Variants in FASTKD5 observed in about 807,000 individuals in gnomAD.
The protein encoded by FASTKD5 is non-canonical pre-mRNAs endonuclease FASTKD5, mitochondrial.
FASTKD5 carries 30 observed loss-of-function variants against 44.0 expected under a neutral mutation model. The observed-to-expected ratio is 0.68, with a 90% CI of 0.51 to 0.93. FASTKD5 has a LOEUF of 0.93. Ranked by LOEUF, FASTKD5 falls within the 40% of genes least tolerant of loss-of-function variation. FASTKD5 has a pLI of 0.00. For synonymous variants in FASTKD5, 335 were observed against 342.2 expected, an observed-to-expected ratio of 0.98 and a Z score of 0.23; for missense variants, 868 against 908.2, an observed-to-expected ratio of 0.96 and a Z score of 0.57.
In FASTKD5 at chr20:3,146,603, T is replaced by G. The variant is rs1242101580; in HGVS notation, c.*173A>C. On this transcript the variant is annotated 3_prime_UTR_variant, in exon 2 of 2. Transcript: ENST00000380266. ...TTTGCAGTAATTTGTACAATCCAAC[T>G]ACATTACAATTCACAGTAACATACA... 5 of 688,086 alleles carry G rather than the reference T, an allele frequency of 7.3e-6. No individual in the cohort carries two copies. In the Admixed American group the frequency reaches 1.4e-4, roughly 20 times the overall value. The allele number at this position is 688,086 out of a possible 1,614,324, so 42.6% of individuals were successfully genotyped here.
intron 1 of FASTKD5, among the ~76,000 whole-genome samples, chr20:3,151,228 A>C (rs1164686828): frequency 6.6e-6 from 1 of 152,104 alleles, no homozygotes; most frequent in African/African-American, 2.4e-5. Context: ...TGCCCACCAA[A>C]TTTCAATCTG....
At chr20:3,158,763 T>C (rs577298292) in intron 1 of FASTKD5, among the ~76,000 whole-genome samples, 20 of 152,362 alleles carry the variant, frequency 1.3e-4, no homozygotes, top group South Asian at 2.1e-4. Context: ...CGTGAGCCAC[T>C]GTGTCCGGCC....
At chr20:3,155,632 A>G (rs2066676168) in intron 1 of FASTKD5, among the ~76,000 whole-genome samples, 1 of 152,246 alleles carries the variant, frequency 6.6e-6, no homozygotes. Flanking sequence ...ATTTTGACAA[A>G]AATTAAATTA....
At chr20:3,158,729 C>T (rs1249200787) in intron 1 of FASTKD5, among the ~76,000 whole-genome samples, 1 of 152,222 alleles carries the variant, frequency 6.6e-6, no homozygotes, top group African/African-American at 2.4e-5. Context: ...CCGCCTTGAC[C>T]TCCCAAAGTG....
At chr20:3,156,173 CT>C (rs761149925) in intron 1 of FASTKD5, among the ~76,000 whole-genome samples, 15,758 of 130,074 alleles carry the variant, frequency 0.12, 793 homozygotes, top group Middle Eastern at 0.2. Flanking sequence ...ACTTCTGACT[CT>C]TTTTTTTTTT....
intron 1 of FASTKD5, among the ~76,000 whole-genome samples, chr20:3,151,047 A>AGTGTGTGTTTGT (rs1181546302): frequency 2.6e-5 from 4 of 152,014 alleles, no homozygotes; most frequent in Non-Finnish European, 4.4e-5. Flanking sequence ...AAACCCAGTT[A>AGTGTGTGTTTGT]GTGTGTGTTT....
At chr20:3,158,150 G>A (rs148329264) in intron 1 of FASTKD5, among the ~76,000 whole-genome samples, 6 of 151,306 alleles carry the variant, frequency 4.0e-5, no homozygotes, top group African/African-American at 1.5e-4. Context: ...TGTTTTTTTC[G>A]TAGAGACAGA....
intron 1 of FASTKD5, among the ~76,000 whole-genome samples, chr20:3,158,457 TTTAC>T (rs1335455828): frequency 1.3e-5 from 2 of 151,678 alleles, no homozygotes; most frequent in Admixed American, 6.6e-5. Context: ...TCAGATTTTA[TTTAC>T]TTATTTATTT....
In FASTKD5 at chr20:3,147,150, G is replaced by A; in HGVS notation, c.1921C>T (p.His641Tyr). The A allele has an allele frequency of 6.2e-7, 1 of 1,613,772 alleles. No homozygotes were observed. ...NKLLKGKARGHFQGKTESEPG... is the reference protein window; with the variant it reads ...NKLLKGKARGYFQGKTESEPG... ...TCTGACTCAGTTTTGCCCTGGAAAT[G>A]TCCTCTTGCTTTCCCTTTTAGTAAC... Residue 641 changes from histidine (H) to tyrosine (Y), a missense_variant, in exon 2 of 2, where the codon CAT becomes TAT. Transcript: ENST00000380266.
Position 3,149,152 on chromosome 20 carries a change from C to T in FASTKD5, c.-82G>A, listed in dbSNP as rs968511228. 1.4e-6 allele frequency: 2 copies of T among 1,471,112 alleles called. No homozygotes were observed. The highest frequency in any genetic ancestry group is 1.8e-6 in the Non-Finnish European group (2 of 1,090,496). 91.1% of individuals were successfully genotyped at this position (1,471,112 alleles called of 1,614,324 possible). The stretch of plus-strand genomic sequence containing the variant: ...CAGGCAATTTCTTGTTTATATGGTG[C>T]TTGATTAGAGCTGGACGGGGAGGTG... On this transcript the variant is annotated 5_prime_UTR_variant, in exon 2 of 2. Transcript: ENST00000380266. The surrounding 1 kb of genome is among the most constrained non-coding windows in gnomAD (Gnocchi z 4.1).
Position 3,147,426 on chromosome 20 carries a change from C to T in FASTKD5, c.1645G>A (p.Ala549Thr). ...GGCTTTGAATTCATATCCTTCTCTG[C>T]TAAATACCACAGCAATTCAGACCCC... ...QEGSELLWYL[A>T]EKDMNSKPEF... The change falls in exon 2 of 2, where the codon GCA becomes ACA. Residue 549 changes from alanine (A) to threonine (T), a missense_variant. Ala to Thr is a moderately conservative substitution (Grantham distance 58). Coordinates refer to ENST00000380266, the MANE Select transcript of FASTKD5 (RefSeq NM_021826.5). The T allele has an allele frequency of 6.2e-7, 1 of 1,614,188 alleles. No individual in the cohort carries two copies. The highest frequency in any genetic ancestry group is 2.2e-5 in the East Asian group (1 of 44,884).
Position 3,149,127 on chromosome 20 carries a change from C to G in FASTKD5, c.-57G>C. The G allele has an allele frequency of 1.3e-6, 2 of 1,532,942 alleles. No individual in the cohort carries two copies. The highest frequency in any genetic ancestry group is 4.2e-5 in the Admixed American group (2 of 47,702). The allele number at this position is 1,532,942 out of a possible 1,614,324, so 95.0% of individuals were successfully genotyped here. ...AGAATACAGTCCTCACAGATTTGAC[C>G]AGGCAATTTCTTGTTTATATGGTGC... On this transcript the variant is annotated 5_prime_UTR_variant, in exon 2 of 2. Transcript: ENST00000380266. The surrounding 1 kb of genome is among the most constrained non-coding windows in gnomAD (Gnocchi z 4.1).
rs141748058 is a variant in FASTKD5 at position 3,146,776 on chromosome 20, T to G, written c.2295A>C (p.Ter765CysextTer12). ...CCATAGAAATGCCCCTAAATGCCCT[T>G]CAGAGAGCAGAGGTGAATACTTTCT... ...LHEKVFTSAL[*>C] is the part of the protein sequence containing the mutation. Residue 765 changes from the stop codon to cysteine, a stop_lost, in exon 2 of 2, where the codon TGA (stop) becomes TGC (cysteine). Transcript: ENST00000380266. 5 of 1,612,260 alleles carry G rather than the reference T, an allele frequency of 3.1e-6. No individual in the cohort carries two copies. The highest frequency in any genetic ancestry group is 4.2e-6 in the Non-Finnish European group (5 of 1,178,942).
At position 3,147,624 on chromosome 20, in the gene FASTKD5, C is replaced by G. The variant is rs1408757651; in HGVS notation, c.1447G>C (p.Glu483Gln). ...PTCLLGLAFLEYFPVELIDFA... is the reference protein window; with the variant it reads ...PTCLLGLAFLQYFPVELIDFA... The stretch of plus-strand genomic sequence containing the variant: ...TCAATTAACTCTACTGGAAAGTACT[C>G]CAAAAATGCCAGGCCCAGCAGGCAG... The change falls in exon 2 of 2, where the codon GAG (glutamate) becomes CAG (glutamine). Residue 483 changes from glutamate (E) to glutamine (Q), a missense_variant. Transcript: ENST00000380266. 5 of 1,614,074 alleles carry G rather than the reference C, an allele frequency of 3.1e-6. No individual in the cohort carries two copies. The highest frequency in any genetic ancestry group is 3.3e-5 in the Admixed American group (2 of 60,002).
chr20:3,147,081 G>T lies in FASTKD5; in HGVS notation c.1990C>A (p.Pro664Thr), dbSNP rs751567143. Residue 664 changes from proline (P) to threonine (T), a missense_variant, in exon 2 of 2, where the codon CCT (proline) becomes ACT (threonine). Physicochemically the swap from Pro to Thr is conservative, Grantham distance 38. Transcript: ENST00000380266. ...ACATTGCAAAGGAAGCCCCCCAGAGGTACAGCTGCCTTATTCTCCAACTCC... is the reference window on the plus strand; with the variant it reads ...ACATTGCAAAGGAAGCCCCCCAGAGTTACAGCTGCCTTATTCTCCAACTCC... ...PMELENKAAV[P>T]LGGFLCNVAD... is the part of the protein sequence containing the mutation. 2.5e-6 allele frequency: 4 copies of T among 1,614,102 alleles called. No homozygotes were observed. The highest frequency in any genetic ancestry group is 3.4e-6 in the Non-Finnish European group (4 of 1,180,042).
Position 3,147,983 on chromosome 20 carries a change from A to T in FASTKD5, c.1088T>A (p.Phe363Tyr). The T allele has an allele frequency of 6.2e-7, 1 of 1,614,228 alleles. No homozygotes were observed. Among genetic ancestry groups the T allele is most frequent in the Non-Finnish European group, 8.5e-7 (1 of 1,180,038 alleles). Residue 363 changes from phenylalanine (F) to tyrosine (Y), a missense_variant, in exon 2 of 2, where the codon TTC (phenylalanine) becomes TAC (tyrosine). Transcript: ENST00000380266. The stretch of plus-strand genomic sequence containing the variant: ...GATGTGATCCACGTGAGTGAAACGG[A>T]ACATTTTAACAATATTCACTAAGGA... ...SRSLVNIVKM[F>Y]RFTHVDHINF...
At position 3,149,754 on chromosome 20, in the gene FASTKD5, A is replaced by G. The variant is rs555388499; in HGVS notation, c.-190-494T>C. ...TTAGTTGGCTGGGTGTGGGTGGCTC[A>G]TGCCTGTAATGCCAGCACTTTGGGA... On this transcript the variant is annotated intron_variant, in intron 1 of 1. Coordinates refer to ENST00000380266, the MANE Select transcript of FASTKD5 (RefSeq NM_021826.5). The surrounding 1 kb of genome is among the most constrained non-coding windows in gnomAD (Gnocchi z 4.1). 1.6e-3 allele frequency among the ~76,000 whole-genome samples: 245 copies of G among 152,330 alleles called. 1 individual carries two copies. The highest frequency in any genetic ancestry group is 1.8e-3 in the Admixed American group (27 of 15,288).
chr20:3,149,205 A>G lies in FASTKD5; in HGVS notation c.-135T>C, dbSNP rs2148621593. The stretch of plus-strand genomic sequence containing the variant: ...CCACAAAAACTGCCTGGAAATCTTC[A>G]GCATATCACAAGAGCCAGGGATCAC... On this transcript the variant is annotated 5_prime_UTR_variant, in exon 2 of 2. Transcript: ENST00000380266. This position sits in a 1 kb window ranked among gnomAD's most constrained non-coding sequence, Gnocchi z 4.1. 1.1e-6 allele frequency: 1 copy of G among 888,362 alleles called. No individual in the cohort carries two copies. Among genetic ancestry groups the G allele is most frequent in the Non-Finnish European group, 1.7e-6 (1 of 588,042 alleles). 55.0% of individuals were successfully genotyped at this position (888,362 alleles called of 1,614,324 possible). A position where few individuals can be genotyped will look rare whatever the true frequency, so the allele number is the denominator to read the frequency against.
intron 1 of FASTKD5, among the ~76,000 whole-genome samples, chr20:3,152,615 A>C (rs1165228525): frequency 6.6e-6 from 1 of 152,114 alleles, no homozygotes; most frequent in Non-Finnish European, 1.5e-5. Context: ...TCATTTGAGG[A>C]AGGAGATCCT....
Sources: gnomAD v4.1 joint callset for allele counts (sites outside exome capture counted in the v4.1 genomes callset) on GRCh38, gnomAD v4.1.1 for gene constraint, Gnocchi (gnomAD v3.1) non-coding constraint, MANE v1.5 for transcripts, NCBI Gene and HGNC (gene_info 2026-07-23, HGNC 2026-07-21) for gene names.